Variants in PCDHGB6 observed in about 807,000 individuals in gnomAD.
The protein encoded by PCDHGB6 is protocadherin gamma-B6.
In PCDHGB6, 51 loss-of-function variants were observed where a neutral mutation model predicts 59.1. The ratio of observed to expected loss-of-function variants is 0.86; its 90% CI spans 0.69 to 1.09. The LOEUF is 1.09. PCDHGB6 is among the 50% of genes least tolerant of loss of function. PCDHGB6 has a pLI of 0.00. For missense variants in PCDHGB6, 1,148 were observed against 1,205.1 expected (o/e 0.95, Z 0.70); for synonymous variants, 466 against 495.1 (o/e 0.94, Z 0.78).
At chr5:141,497,768 G>A (rs920949258) in intron 2 of PCDHGB6, among the ~76,000 whole-genome samples, 8 of 152,070 alleles carry the variant, frequency 5.3e-5, no homozygotes, top group East Asian at 1.9e-4. Flanking sequence ...CAAACTCCCC[G>A]ACCTCAACTG....
intron 1 of PCDHGB6, chr5:141,423,295 C>A: frequency 6.2e-7 from 1 of 1,614,146 alleles, no homozygotes; most frequent in Non-Finnish European, 8.5e-7. Context: ...AACCTCAGAC[C>A]TCTCGCTGTA....
chr5:141,423,904 G>A, intron 1 of PCDHGB6: 2 of 1,275,052 alleles, frequency 1.6e-6, no homozygotes, highest in Middle Eastern at 3.1e-4. Flanking sequence ...TGATTTCAAA[G>A]GGGCCATTCA....
chr5:141,476,137 G>A lies in PCDHGB6; in HGVS notation c.2419-18670G>A. The A allele has an allele frequency of 1.2e-6, 2 of 1,609,204 alleles. No homozygotes were observed. The highest frequency in any genetic ancestry group is 1.7e-6 in the Non-Finnish European group (2 of 1,178,592). On this transcript the variant is annotated intron_variant, in intron 1 of 3. Coordinates refer to ENST00000520790, the MANE Select transcript of PCDHGB6 (RefSeq NM_018926.3). The surrounding 1 kb of genome is among the most constrained non-coding windows in gnomAD (Gnocchi z 7.6). ...GTGAGATGGTCCCAGAGGCCTGGAGGAGCGGACTGGTAAGCACCGGGAGGG... is the reference window on the plus strand; with the variant it reads ...GTGAGATGGTCCCAGAGGCCTGGAGAAGCGGACTGGTAAGCACCGGGAGGG...
At chr5:141,462,823 G>A (rs1420321501) in intron 1 of PCDHGB6, among the ~76,000 whole-genome samples, 1 of 152,170 alleles carries the variant, frequency 6.6e-6, no homozygotes, top group African/African-American at 2.4e-5. Flanking sequence ...TTGGACAGCA[G>A]ACATTGTAAA....
chr5:141,415,654 A>G, intron 1 of PCDHGB6: 1 of 1,573,242 alleles, frequency 6.4e-7, no homozygotes. Flanking sequence ...AAAAAAAAAG[A>G]TTGGTTTTTA....
Position 141,408,286 on chromosome 5 carries a change from C to G in PCDHGB6, c.84C>G (p.Thr28=), listed in dbSNP as rs751845459. 81 of 1,613,074 alleles carry G rather than the reference C, an allele frequency of 5.0e-5. No homozygotes were observed. The highest frequency in any genetic ancestry group is 6.3e-5 in the Non-Finnish European group (74 of 1,179,344). Reference sequence around the variant, plus strand: ...TGCTGCTGCCTTTGTTCTACCCCACCCTGAGTGAGCCGATCCGCTACTCGA... The same window carrying G: ...TGCTGCTGCCTTTGTTCTACCCCACGCTGAGTGAGCCGATCCGCTACTCGA... ...FPLLLPLFYP[T]LSEPIRYSIP... Residue 28 remains threonine (T), a synonymous_variant, in exon 1 of 4, where the codon ACC becomes ACG. Transcript: ENST00000520790.
chr5:141,471,591 A>T (rs925105880), intron 1 of PCDHGB6: 1 of 152,294 alleles, frequency 6.6e-6, no homozygotes, highest in South Asian at 2.1e-4. Context: ...AGTAATTGAT[A>T]GTTTCAAAAT....
At chr5:141,488,525 G>A (rs1040463796) in intron 1 of PCDHGB6, among the ~76,000 whole-genome samples, 1 of 152,182 alleles carries the variant, frequency 6.6e-6, no homozygotes, top group African/African-American at 2.4e-5. Flanking sequence ...TGGGGTGTCA[G>A]AAAAGCTAAG....
intron 1 of PCDHGB6, among the ~76,000 whole-genome samples, chr5:141,438,211 A>G (rs767576436): frequency 7.8e-4 from 119 of 152,308 alleles, no homozygotes; most frequent in Admixed American, 2.3e-3. Context: ...CCATATGGGA[A>G]GGGCTCTGGT....
intron 1 of PCDHGB6, among the ~76,000 whole-genome samples, chr5:141,484,138 G>A (rs184277779): frequency 6.6e-6 from 1 of 152,244 alleles, no homozygotes; most frequent in Admixed American, 6.5e-5. Context: ...TCAGATAAAG[G>A]GAATTTGTAG....
rs1176011355 is a variant in PCDHGB6, at chr5:141,485,491, G to C, written c.2419-9316G>C. Reference sequence around the variant, plus strand: ...TCAGTGCCAGCTGCATCGTGCCCCTGGAGTTTGTCACCGAAGGTCCTTTGG... The same window carrying C: ...TCAGTGCCAGCTGCATCGTGCCCCTCGAGTTTGTCACCGAAGGTCCTTTGG... On this transcript the variant is annotated intron_variant, in intron 1 of 3. Coordinates refer to ENST00000520790, the MANE Select transcript of PCDHGB6 (RefSeq NM_018926.3). This position sits in a 1 kb window ranked among gnomAD's most constrained non-coding sequence, Gnocchi z 5.7. 6.2e-7 allele frequency: 1 copy of C among 1,614,142 alleles called. No homozygotes were observed. The highest frequency in any genetic ancestry group is 1.3e-5 in the African/African-American group (1 of 75,018).
intron 1 of PCDHGB6, chr5:141,427,539 A>G: frequency 1.6e-6 from 1 of 632,868 alleles, no homozygotes; most frequent in Non-Finnish European, 2.9e-6. Context: ...GTACAACGTC[A>G]CCATCACTGC....
chr5:141,487,661 C>A lies in PCDHGB6; in HGVS notation c.2419-7146C>A. ...ACAAATGCTTGAGGGTTATTCTGATCCAGGCATATGGCTAGGCCATGTCCT... is the reference window on the plus strand; with the variant it reads ...ACAAATGCTTGAGGGTTATTCTGATACAGGCATATGGCTAGGCCATGTCCT... On this transcript the variant is annotated intron_variant, in intron 1 of 3. Transcript: ENST00000520790. This position sits in a 1 kb window ranked among gnomAD's most constrained non-coding sequence, Gnocchi z 5.0. The A allele has an allele frequency of 6.2e-7, 1 of 1,613,366 alleles. No homozygotes were observed. Among genetic ancestry groups the A allele is most frequent in the Non-Finnish European group, 8.5e-7 (1 of 1,179,646 alleles).
At position 141,477,492 on chromosome 5, in the gene PCDHGB6, A is replaced by T; in HGVS notation, c.2419-17315A>T. ...AATGACAACCCTCCACAATCTTCTC[A>T]ATCTTCCTACGACGTTTACATTGAA... On this transcript the variant is annotated intron_variant, in intron 1 of 3. Coordinates refer to ENST00000520790, the MANE Select transcript of PCDHGB6 (RefSeq NM_018926.3). The surrounding 1 kb of genome is among the most constrained non-coding windows in gnomAD (Gnocchi z 4.9). The T allele has an allele frequency of 6.2e-7, 1 of 1,613,980 alleles. No individual in the cohort carries two copies. The highest frequency in any genetic ancestry group is 8.5e-7 in the Non-Finnish European group (1 of 1,179,958).
intron 2 of PCDHGB6, among the ~76,000 whole-genome samples, chr5:141,495,270 G>C (rs1428903664): frequency 1.3e-5 from 2 of 152,178 alleles, no homozygotes; most frequent in Non-Finnish European, 2.9e-5. Context: ...GCATTTGACC[G>C]GAGGAGGCGG....
Position 141,417,739 on chromosome 5 carries a change from C to G in PCDHGB6, c.2418+7119C>G, listed in dbSNP as rs1002260902. On this transcript the variant is annotated intron_variant, in intron 1 of 3. Transcript: ENST00000520790. The stretch of plus-strand genomic sequence containing the variant: ...GGCTGCGCAGACCTTGCCCAGCACA[C>G]CAGATTGCCAGCTCCGAGACCCGGG... 1.6e-5 allele frequency: 22 copies of G among 1,411,706 alleles called. No homozygotes were observed. In the African/African-American group the frequency reaches 1.7e-4, roughly 11 times the overall value. The allele number at this position is 1,411,706 out of a possible 1,614,324, so 87.4% of individuals were successfully genotyped here.
chr5:141,461,216 T>C (rs1050704259), intron 1 of PCDHGB6, among the ~76,000 whole-genome samples: 2 of 152,168 alleles, frequency 1.3e-5, no homozygotes, highest in African/African-American at 4.8e-5. Flanking sequence ...ATCTCCATAC[T>C]GTTTTCCATA....
At position 141,409,913 on chromosome 5, in the gene PCDHGB6, G is replaced by C. The variant is rs769370742; in HGVS notation, c.1711G>C (p.Gly571Arg). The C allele has an allele frequency of 1.9e-6, 3 of 1,613,334 alleles. No homozygotes were observed. The highest frequency in any genetic ancestry group is 2.2e-5 in the East Asian group (1 of 44,870). ...RVLYPALGPD[G>R]SAFFDMVPRS... is the part of the protein sequence containing the mutation. ...GCTGTACCCAGCTCTGGGTCCTGAC[G>C]GCTCCGCGTTCTTCGATATGGTACC... The change falls in exon 1 of 4, where the codon GGC (glycine) becomes CGC (arginine). Residue 571 changes from glycine (G) to arginine (R), a missense_variant. Gly to Arg is a moderately radical substitution (Grantham distance 125). This residue lies in a region of PCDHGB6 where 549 missense variants were observed against 527.5 expected (regional missense o/e 1.04). Coordinates refer to ENST00000520790, the MANE Select transcript of PCDHGB6 (RefSeq NM_018926.3).
At chr5:141,419,543 G>T (rs573594140) in intron 1 of PCDHGB6, 1 of 1,612,106 alleles carries the variant, frequency 6.2e-7, no homozygotes, top group East Asian at 2.2e-5. Flanking sequence ...CGCACCGCGG[G>T]TGCTGTACCC....
Sources: gnomAD v4.1 joint callset for allele counts (sites outside exome capture counted in the v4.1 genomes callset) on GRCh38, gnomAD v4.1.1 for gene constraint, gnomAD v4.1.1 regional missense constraint, Gnocchi (gnomAD v3.1) non-coding constraint, MANE v1.5 for transcripts, NCBI Gene and HGNC (gene_info 2026-07-23, HGNC 2026-07-21) for gene names.